Variants in GPC5 observed in about 807,000 individuals in gnomAD.
GPC5 encodes the protein glypican-5.
Under a neutral mutation model 53.9 loss-of-function variants are expected in GPC5, and 47 were observed. The observed-to-expected ratio is 0.87, with a 90% CI of 0.69 to 1.11. The LOEUF (loss-of-function observed/expected upper bound fraction) is 1.11, where lower values mean the gene tolerates loss of function less well. Among genes scored for constraint, GPC5 ranks in the 50% most tolerant of loss-of-function variants. The pLI is 0.00. For synonymous variants in GPC5, 286 were observed against 263.3 expected, an observed-to-expected ratio of 1.09 and a Z score of -0.84; for missense variants, 748 against 713.1, an observed-to-expected ratio of 1.05 and a Z score of -0.56.
intron 7 of GPC5, among the ~76,000 whole-genome samples, chr13:92,479,711 T>C (rs1308870266): frequency 6.6e-6 from 1 of 152,096 alleles, no homozygotes; most frequent in Non-Finnish European, 1.5e-5. Flanking sequence ...TCCTCCAAAA[T>C]AAATAAATCC....
At chr13:92,308,440 C>T (rs11616739) in intron 7 of GPC5, among the ~76,000 whole-genome samples, 46,632 of 152,008 alleles carry the variant, frequency 0.31, 7,312 homozygotes, top group Middle Eastern at 0.48. Flanking sequence ...TCAACATCTA[C>T]GAGTTTATAT....
chr13:91,579,627 T>TTTA (rs1555326806), intron 2 of GPC5, among the ~76,000 whole-genome samples: 1 of 70,738 alleles, frequency 1.4e-5, no homozygotes, highest in Non-Finnish European at 2.4e-5. Flanking sequence ...TCTTTTTCTT[T>TTTA]TTTTTTTTTT....
At chr13:92,675,570 T>G (rs1420505084) in intron 7 of GPC5, among the ~76,000 whole-genome samples, 1 of 145,680 alleles carries the variant, frequency 6.9e-6, no homozygotes. Flanking sequence ...TAATGTATTT[T>G]GTCCCCCTCC....
At chr13:91,616,366 CAT>C (rs1428865323) in intron 2 of GPC5, among the ~76,000 whole-genome samples, 1 of 152,040 alleles carries the variant, frequency 6.6e-6, no homozygotes, top group Non-Finnish European at 1.5e-5. Flanking sequence ...GGCTTAGAAA[CAT>C]AGGAAATAAG....
intron 7 of GPC5, among the ~76,000 whole-genome samples, chr13:92,459,670 T>G (rs1878405462): frequency 6.6e-6 from 1 of 152,194 alleles, no homozygotes; most frequent in Non-Finnish European, 1.5e-5. Flanking sequence ...TTCTCAAATT[T>G]TTTTGCCTTA....
At chr13:92,395,036 ATATAT>A (rs1875195786) in intron 7 of GPC5, among the ~76,000 whole-genome samples, 1 of 152,160 alleles carries the variant, frequency 6.6e-6, no homozygotes, top group African/African-American at 2.4e-5. Flanking sequence ...CTTGGAGAAA[ATATAT>A]AATTGGGCCT....
intron 5 of GPC5, among the ~76,000 whole-genome samples, chr13:91,872,464 T>A (rs1240098704): frequency 6.6e-6 from 1 of 152,174 alleles, no homozygotes; most frequent in African/African-American, 2.4e-5. Context: ...GGAAACATAT[T>A]CATATGTTGT....
intron 5 of GPC5, among the ~76,000 whole-genome samples, chr13:91,827,801 A>G (rs1361976364): frequency 6.6e-6 from 1 of 152,060 alleles, no homozygotes; most frequent in East Asian, 1.9e-4. Flanking sequence ...ATAGTTATAC[A>G]CACCACTTAC....
At chr13:91,978,255 A>C (rs970587724) in intron 6 of GPC5, among the ~76,000 whole-genome samples, 2 of 152,150 alleles carry the variant, frequency 1.3e-5, no homozygotes, top group African/African-American at 4.8e-5. Context: ...GATTACTGCT[A>C]TTTTTTTCCA....
chr13:92,032,697 G>C (rs1303554009), intron 6 of GPC5, among the ~76,000 whole-genome samples: 1 of 152,084 alleles, frequency 6.6e-6, no homozygotes, highest in Non-Finnish European at 1.5e-5. Context: ...ACACAAATTT[G>C]TACCACTATA....
chr13:91,657,056 A>T (rs982950551), intron 2 of GPC5, among the ~76,000 whole-genome samples: 1 of 151,968 alleles, frequency 6.6e-6, no homozygotes, highest in African/African-American at 2.4e-5. Flanking sequence ...ATACTCTTGT[A>T]CTCCTCCTGC....
At chr13:92,620,354 C>A (rs957636308) in intron 7 of GPC5, among the ~76,000 whole-genome samples, 1 of 152,072 alleles carries the variant, frequency 6.6e-6, no homozygotes, top group Non-Finnish European at 1.5e-5. Flanking sequence ...GGGAGTTCCA[C>A]AATTATCAAA....
chr13:92,575,823 C>T lies in GPC5; in HGVS notation c.1562-290459C>T, dbSNP rs368337666. Among the ~76,000 whole-genome samples the T allele has an allele frequency of 4.6e-5, 7 of 152,104 alleles. No individual in the cohort carries two copies. The East Asian group carries it at 7.7e-4, about 17-fold the overall frequency. ...AACTCCAGTGTATCTTCAGTCTTGC[C>T]CTAGAAGCCAGATTCAGATTCAGGC... On this transcript the variant is annotated intron_variant, in intron 7 of 7. Coordinates refer to ENST00000377067, the MANE Select transcript of GPC5 (RefSeq NM_004466.6).
At chr13:91,865,995 G>C (rs1233674459) in intron 5 of GPC5, among the ~76,000 whole-genome samples, 1 of 152,094 alleles carries the variant, frequency 6.6e-6, no homozygotes, top group Admixed American at 6.6e-5. Flanking sequence ...AGCCTCCCAA[G>C]TAGCTGGGAT....
intron 7 of GPC5, among the ~76,000 whole-genome samples, chr13:92,694,259 C>T (rs1566367236): frequency 6.6e-6 from 1 of 152,172 alleles, no homozygotes; most frequent in Non-Finnish European, 1.5e-5. Flanking sequence ...GTTGTTTCTC[C>T]TAAACAGAGA....
At chr13:92,173,865 GA>G (rs2042088133) in intron 7 of GPC5, among the ~76,000 whole-genome samples, 1 of 152,170 alleles carries the variant, frequency 6.6e-6, no homozygotes. Context: ...AGCACTTTGG[GA>G]AGCCGAGGAA....
At chr13:92,248,035 G>A (rs2139124789) in intron 7 of GPC5, among the ~76,000 whole-genome samples, 1 of 152,148 alleles carries the variant, frequency 6.6e-6, no homozygotes, top group South Asian at 2.1e-4. Flanking sequence ...TGAGTTATCA[G>A]GACGTTGAAG....
intron 6 of GPC5, among the ~76,000 whole-genome samples, chr13:92,021,086 T>A (rs1449338315): frequency 6.6e-6 from 1 of 152,176 alleles, no homozygotes; most frequent in Non-Finnish European, 1.5e-5. Flanking sequence ...TATTTTCTCC[T>A]AAATTGTGTA....
intron 7 of GPC5, among the ~76,000 whole-genome samples, chr13:92,146,627 C>T (rs9523519): frequency 0.19 from 28,528 of 151,914 alleles, 3,314 homozygotes; most frequent in East Asian, 0.43. Flanking sequence ...CAGTATACAT[C>T]GTACTCAATT....
Sources: allele counts gnomAD v4.1 joint callset (sites outside exome capture counted in the v4.1 genomes callset), GRCh38; gene constraint gnomAD v4.1.1; transcripts MANE v1.5; gene names NCBI Gene and HGNC (gene_info 2026-07-23, HGNC 2026-07-21).